GALNT17: variants seen among roughly 807,000 people sequenced by gnomAD.
GALNT17 encodes UDP-GalNAc:polypeptide N-acetylgalactosaminyltransferase-like 3.
A neutral mutation model predicts 63.7 loss-of-function variants in GALNT17; 29 were observed. That is an observed-to-expected ratio of 0.46 (90% CI 0.34 to 0.62). GALNT17 has a LOEUF of 0.62. GALNT17 is among the 20% of genes least tolerant of loss of function. GALNT17 has a pLI of 0.01. For missense variants in GALNT17, 603 were observed against 799.6 expected, an observed-to-expected ratio of 0.75 and a Z score of 2.97; for synonymous variants, 305 against 318.3, an observed-to-expected ratio of 0.96 and a Z score of 0.45.
At chr7:71,510,214 TG>T (rs1788333015) in intron 5 of GALNT17, among the ~76,000 whole-genome samples, 1 of 152,198 alleles carries the variant, frequency 6.6e-6, no homozygotes, top group Admixed American at 6.5e-5. Flanking sequence ...CCCAAAGTGT[TG>T]GGATTACAGG....
chr7:71,582,811 CA>C (rs745413899), intron 6 of GALNT17, among the ~76,000 whole-genome samples: 2 of 151,848 alleles, frequency 1.3e-5, no homozygotes, highest in Non-Finnish European at 2.9e-5. Flanking sequence ...TTCGGTGACT[CA>C]GGGGAAAGGG....
chr7:71,463,168 A>G (rs1410622993), intron 5 of GALNT17, among the ~76,000 whole-genome samples: 3 of 152,138 alleles, frequency 2.0e-5, no homozygotes, highest in African/African-American at 7.2e-5. Context: ...TCTCAGGCTG[A>G]TCCCATTCCT....
At chr7:71,170,606 G>T (rs1336266436) in intron 1 of GALNT17, among the ~76,000 whole-genome samples, 1 of 152,158 alleles carries the variant, frequency 6.6e-6, no homozygotes, top group Non-Finnish European at 1.5e-5. Flanking sequence ...AAAGTGCTGG[G>T]ATTACAGGCA....
chr7:71,265,753 G>T (rs1790482067), intron 1 of GALNT17, among the ~76,000 whole-genome samples: 1 of 152,186 alleles, frequency 6.6e-6, no homozygotes, highest in Non-Finnish European at 1.5e-5. Flanking sequence ...AGGCGTGGTG[G>T]GAGCTGAGAA....
chr7:71,433,102 GC>G (rs1472504838), intron 5 of GALNT17, among the ~76,000 whole-genome samples: 1 of 152,126 alleles, frequency 6.6e-6, no homozygotes, highest in Non-Finnish European at 1.5e-5. Flanking sequence ...ACTGTGCCTG[GC>G]CCCATCTCTA....
At chr7:71,522,629 G>A (rs1788550380) in intron 5 of GALNT17, among the ~76,000 whole-genome samples, 1 of 152,108 alleles carries the variant, frequency 6.6e-6, no homozygotes, top group South Asian at 2.1e-4. Flanking sequence ...CCCATAACAT[G>A]TGGGAATTAT....
intron 6 of GALNT17, among the ~76,000 whole-genome samples, chr7:71,646,471 G>T (rs1790677740): frequency 6.6e-6 from 1 of 152,078 alleles, no homozygotes; most frequent in Non-Finnish European, 1.5e-5. Context: ...ATGGAGAGTG[G>T]ATTCACTCTG....
intron 3 of GALNT17, 123 bp downstream of exon 3, chr7:71,388,524 A>T (rs1388354646): frequency 8.1e-7 from 1 of 1,238,482 alleles, no homozygotes; most frequent in Middle Eastern, 2.7e-4. Context: ...GGGAAGGGAT[A>T]TTTTTTCTTT....
intron 5 of GALNT17, among the ~76,000 whole-genome samples, chr7:71,452,830 G>T (rs764369389): frequency 6.6e-5 from 10 of 152,072 alleles, no homozygotes; most frequent in Admixed American, 1.3e-4. Context: ...TTGTTTTTTT[G>T]TTGTTGTTGT....
At chr7:71,309,387 G>A (rs1304152800) in intron 1 of GALNT17, among the ~76,000 whole-genome samples, 1 of 151,868 alleles carries the variant, frequency 6.6e-6, no homozygotes, top group East Asian at 1.9e-4. Flanking sequence ...TGAGGCACAC[G>A]CTTTCCCTTC....
intron 1 of GALNT17, among the ~76,000 whole-genome samples, chr7:71,298,821 A>G (rs67615560): frequency 0.19 from 29,414 of 151,880 alleles, 2,984 homozygotes; most frequent in East Asian, 0.33. Flanking sequence ...GAGGAGATCT[A>G]TTTCAGAGTT....
At chr7:71,670,591 A>C (rs1791053816) in intron 8 of GALNT17, among the ~76,000 whole-genome samples, 1 of 152,172 alleles carries the variant, frequency 6.6e-6, no homozygotes, top group South Asian at 2.1e-4. Context: ...TACAAATACC[A>C]TCAATATGCA....
intron 5 of GALNT17, among the ~76,000 whole-genome samples, chr7:71,426,554 A>G (rs1455860454): frequency 6.6e-6 from 1 of 152,160 alleles, no homozygotes; most frequent in African/African-American, 2.4e-5. Context: ...TGGCACTGGC[A>G]TCTTGGCTTT....
intron 5 of GALNT17, among the ~76,000 whole-genome samples, chr7:71,562,909 G>C (rs1789278963): frequency 6.6e-6 from 1 of 152,196 alleles, no homozygotes; most frequent in African/African-American, 2.4e-5. Flanking sequence ...GAAGGCTTTA[G>C]AGGAGGGGAA....
At position 71,455,719 on chromosome 7, in the gene GALNT17, C is replaced by CCT. The variant is rs1380894403; in HGVS notation, c.962+34614_962+34615insCT. 3.9e-5 allele frequency among the ~76,000 whole-genome samples: 6 copies of CCT among 152,146 alleles called. No individual in the cohort carries two copies. In the East Asian group the frequency reaches 9.6e-4, roughly 24 times the overall value. On this transcript the variant is annotated intron_variant, in intron 5 of 10. Coordinates refer to ENST00000333538, the MANE Select transcript of GALNT17 (RefSeq NM_022479.3). ...CCAGCACGGGGCATAGGGACTTCAT[C>CCT]TGAAATCTCAAATCCCATGTGGCAA... is the stretch of plus-strand genomic sequence containing the variant.
chr7:71,327,648 A>C (rs1791727728), intron 1 of GALNT17, among the ~76,000 whole-genome samples: 1 of 152,128 alleles, frequency 6.6e-6, no homozygotes, highest in Non-Finnish European at 1.5e-5. Context: ...GGGGCAATTA[A>C]AGAGAGGTTA....
intron 1 of GALNT17, among the ~76,000 whole-genome samples, chr7:71,327,422 A>G (rs1791723255): frequency 6.6e-6 from 1 of 152,114 alleles, no homozygotes; most frequent in African/African-American, 2.4e-5. Flanking sequence ...CTTATTTACT[A>G]CCACGAGAAC....
chr7:71,336,499 C>T (rs1397274918), intron 2 of GALNT17, among the ~76,000 whole-genome samples: 1 of 152,180 alleles, frequency 6.6e-6, no homozygotes, highest in Non-Finnish European at 1.5e-5. Context: ...TTCTCCCTCC[C>T]TCCACTTTCA....
chr7:71,316,830 G>A (rs1278543895), intron 1 of GALNT17, among the ~76,000 whole-genome samples: 7 of 152,244 alleles, frequency 4.6e-5, no homozygotes, highest in Non-Finnish European at 8.8e-5. Context: ...TCAATGTTGG[G>A]GCCTCTTAGG....
Sources: gnomAD v4.1 joint callset for allele counts (sites outside exome capture counted in the v4.1 genomes callset) on GRCh38, gnomAD v4.1.1 for gene constraint, MANE v1.5 for transcripts, NCBI Gene and HGNC (gene_info 2026-07-23, HGNC 2026-07-21) for gene names.